C8orf34: variants seen among roughly 807,000 people sequenced by gnomAD.
The protein encoded by C8orf34 is chromosome 8 open reading frame 34.
C8orf34 carries 65 observed loss-of-function variants against 68.3 expected under a neutral mutation model. The observed-to-expected ratio is 0.95, with a 90% CI of 0.78 to 1.17. The LOEUF (loss-of-function observed/expected upper bound fraction) is 1.17, where lower values mean the gene tolerates loss of function less well. Among genes scored for constraint, C8orf34 ranks in the 50% most tolerant of loss-of-function variants. C8orf34 has a pLI of 0.00. For missense variants in C8orf34, 664 were observed against 655.4 expected, an observed-to-expected ratio of 1.01 and a Z score of -0.14; for synonymous variants, 244 against 241.2, an observed-to-expected ratio of 1.01 and a Z score of -0.11.
At chr8:68,416,425 C>T (rs1160503271) in intron 1 of C8orf34, among the ~76,000 whole-genome samples, 2 of 152,026 alleles carry the variant, frequency 1.3e-5, no homozygotes, top group Non-Finnish European at 2.9e-5. Context: ...ATTCCAAGAT[C>T]CTGGAACAGA....
At chr8:68,515,096 A>C (rs1814449503) in intron 5 of C8orf34, among the ~76,000 whole-genome samples, 1 of 152,182 alleles carries the variant, frequency 6.6e-6, no homozygotes, top group Non-Finnish European at 1.5e-5. Context: ...GATTATTGTA[A>C]TCATTTCATG....
intron 1 of C8orf34, among the ~76,000 whole-genome samples, chr8:68,371,694 C>T (rs1002926887): frequency 6.6e-6 from 1 of 151,392 alleles, no homozygotes; most frequent in Non-Finnish European, 1.5e-5. Flanking sequence ...CTGCCTCCTG[C>T]GTTCAAGCTA....
intron 7 of C8orf34, among the ~76,000 whole-genome samples, chr8:68,549,815 A>G (rs1816005720): frequency 6.6e-6 from 1 of 151,662 alleles, no homozygotes; most frequent in Non-Finnish European, 1.5e-5. Flanking sequence ...ATTGTGATAT[A>G]TTCTTGACTA....
chr8:68,635,809 T>C (rs777133206), intron 7 of C8orf34, among the ~76,000 whole-genome samples: 1 of 152,148 alleles, frequency 6.6e-6, no homozygotes, highest in African/African-American at 2.4e-5. Context: ...TCTCCTCTTA[T>C]GCACATTTCT....
At chr8:68,617,196 A>T (rs199855593) in intron 7 of C8orf34, among the ~76,000 whole-genome samples, 2 of 152,096 alleles carry the variant, frequency 1.3e-5, no homozygotes, top group South Asian at 2.1e-4. Context: ...GCACGTGAGA[A>T]GGGTTTCCTG....
chr8:68,744,559 A>C (rs1249238547), intron 10 of C8orf34, among the ~76,000 whole-genome samples: 1 of 151,998 alleles, frequency 6.6e-6, no homozygotes, highest in African/African-American at 2.4e-5. Context: ...GGAGCTGAAA[A>C]CCAAGGCTCG....
At chr8:68,463,258 G>T (rs1248427158) in intron 3 of C8orf34, among the ~76,000 whole-genome samples, 1 of 152,072 alleles carries the variant, frequency 6.6e-6, no homozygotes, top group South Asian at 2.1e-4. Context: ...TTGAATCTCT[G>T]AATAGACCAA....
chr8:68,398,824 T>C (rs1808829364), intron 1 of C8orf34, among the ~76,000 whole-genome samples: 2 of 152,142 alleles, frequency 1.3e-5, no homozygotes, highest in South Asian at 4.1e-4. Context: ...ATTGGAGAAA[T>C]TTACTGAAAA....
intron 4 of C8orf34, among the ~76,000 whole-genome samples, chr8:68,475,239 T>A (rs2129630418): frequency 6.6e-6 from 1 of 152,340 alleles, no homozygotes; most frequent in Non-Finnish European, 1.5e-5. Context: ...CCAAGATTAT[T>A]TCTCTGTTGC....
chr8:68,398,560 G>A (rs549138211), intron 1 of C8orf34, among the ~76,000 whole-genome samples: 14 of 152,088 alleles, frequency 9.2e-5, no homozygotes, highest in Non-Finnish European at 1.9e-4. Flanking sequence ...TGATAGATAT[G>A]TTAATTTGAG....
At chr8:68,785,273 T>C (rs939163934) in intron 11 of C8orf34, among the ~76,000 whole-genome samples, 1 of 152,082 alleles carries the variant, frequency 6.6e-6, no homozygotes, top group African/African-American at 2.4e-5. Context: ...CATCTGTATA[T>C]ATAGTAAGGT....
At chr8:68,394,399 C>A (rs1159244655) in intron 1 of C8orf34, among the ~76,000 whole-genome samples, 1 of 151,784 alleles carries the variant, frequency 6.6e-6, no homozygotes, top group Non-Finnish European at 1.5e-5. Flanking sequence ...TCATCCATGT[C>A]CCTACAAAGG....
intron 3 of C8orf34, among the ~76,000 whole-genome samples, chr8:68,467,070 T>C (rs1368569541): frequency 1.3e-4 from 19 of 151,500 alleles, no homozygotes. Context: ...TTGCTTCTGG[T>C]TCCTAAATCT....
chr8:68,450,910 A>G (rs1395283204), intron 3 of C8orf34, among the ~76,000 whole-genome samples: 1 of 152,138 alleles, frequency 6.6e-6, no homozygotes, highest in Non-Finnish European at 1.5e-5. Flanking sequence ...ACTTGAAGCC[A>G]GGCATTGACT....
rs769360704 is a variant in C8orf34, at chr8:68,396,865, A to G, written c.328-42634A>G. ...AGGCCTTCATGAGAAGCAGATGCTA[A>G]CACCATGTATCTTATACAGCCTGCA... is the stretch of plus-strand genomic sequence containing the variant. On this transcript the variant is annotated intron_variant, in intron 1 of 13. Coordinates refer to ENST00000518698, the MANE Select transcript of C8orf34 (RefSeq NM_052958.4). Among the ~76,000 whole-genome samples the G allele has an allele frequency of 4.6e-5, 7 of 152,062 alleles. No individual in the cohort carries two copies. The East Asian group carries it at 9.7e-4, about 21-fold the overall frequency.
rs1318351794 is a variant in C8orf34, at chr8:68,470,057, A to G, written c.736+1237A>G. 8.6e-5 allele frequency among the ~76,000 whole-genome samples: 13 copies of G among 151,798 alleles called. 1 individual carries two copies. Among genetic ancestry groups the G allele is most frequent in the Admixed American group, 7.9e-4 (12 of 15,198 alleles). ...AGAAGTTAAGCTACCTTATCACAGG[A>G]TCTTATGCTTTGCCATTAGTAAAAA... On this transcript the variant is annotated intron_variant, in intron 4 of 13. Transcript: ENST00000518698.
At chr8:68,685,154 G>A (rs1320930400) in intron 8 of C8orf34, among the ~76,000 whole-genome samples, 1 of 151,988 alleles carries the variant, frequency 6.6e-6, no homozygotes, top group African/African-American at 2.4e-5. Flanking sequence ...CTTAATGCTT[G>A]AACCTATTGT....
intron 7 of C8orf34, among the ~76,000 whole-genome samples, chr8:68,623,692 T>C (rs1043378491): frequency 6.6e-6 from 1 of 152,076 alleles, no homozygotes; most frequent in African/African-American, 2.4e-5. Context: ...ATGAAGGCCC[T>C]CTTCTGGGTT....
chr8:68,578,741 A>G (rs972379537), intron 7 of C8orf34, among the ~76,000 whole-genome samples: 4 of 151,986 alleles, frequency 2.6e-5, no homozygotes, highest in Admixed American at 1.3e-4. Flanking sequence ...CCACTAGTAC[A>G]TAACACATAC....
Sources: allele counts gnomAD v4.1 joint callset (sites outside exome capture counted in the v4.1 genomes callset), GRCh38; gene constraint gnomAD v4.1.1; transcripts MANE v1.5; gene names NCBI Gene and HGNC (gene_info 2026-07-23, HGNC 2026-07-21).